WDR41: variants seen among roughly 807,000 people sequenced by gnomAD.
The protein encoded by WDR41 is WD repeat domain 41.
In WDR41, 63 loss-of-function variants were observed where a neutral mutation model predicts 69.3. That is an observed-to-expected ratio of 0.91 (90% CI 0.74 to 1.12). WDR41 has a LOEUF of 1.12. Ranked by LOEUF, WDR41 falls within the 50% of genes most tolerant of loss-of-function variation. The pLI, the probability that WDR41 is intolerant of heterozygous loss-of-function variation, is 0.00. For synonymous variants in WDR41, 185 were observed against 192.1 expected, an observed-to-expected ratio of 0.96 and a Z score of 0.31; for missense variants, 543 against 534.5, an observed-to-expected ratio of 1.02 and a Z score of -0.16.
At chr5:77,447,298 C>T (rs1012152421) in intron 8 of WDR41, among the ~76,000 whole-genome samples, 3 of 152,160 alleles carry the variant, frequency 2.0e-5, no homozygotes, top group Non-Finnish European at 4.4e-5. Flanking sequence ...ATGGGAAGAA[C>T]ATTTTTACAC....
intron 2 of WDR41, among the ~76,000 whole-genome samples, chr5:77,479,030 CAACA>C (rs1486810004): frequency 1.3e-5 from 2 of 150,816 alleles, no homozygotes; most frequent in Non-Finnish European, 3.0e-5. Context: ...TATACACCAA[CAACA>C]AACAGAGAGC....
intron 1 of WDR41, among the ~76,000 whole-genome samples, chr5:77,589,251 G>T (rs2112304730): frequency 6.6e-6 from 1 of 152,200 alleles, no homozygotes; most frequent in East Asian, 1.9e-4. Flanking sequence ...TCTATATCAT[G>T]CCCGTCTTAT....
chr5:77,466,445 T>G (rs1800309034), intron 2 of WDR41, among the ~76,000 whole-genome samples: 1 of 151,896 alleles, frequency 6.6e-6, no homozygotes, highest in Admixed American at 6.6e-5. Context: ...TAAGTGTTCT[T>G]TGGTATAAAA....
At chr5:77,464,274 C>CTTTTTTTTTTTTTTTTTTT (rs71606297) in intron 3 of WDR41, among the ~76,000 whole-genome samples, 7 of 94,204 alleles carry the variant, frequency 7.4e-5, no homozygotes, top group Non-Finnish European at 9.8e-5. Flanking sequence ...TAGGAAAAAA[C>CTTTTTTTTTTTTTTTTTTT]TTTTTTTTTT....
intron 1 of WDR41, among the ~76,000 whole-genome samples, chr5:77,601,816 C>G (rs780837640): frequency 6.6e-6 from 1 of 152,046 alleles, no homozygotes; most frequent in Non-Finnish European, 1.5e-5. Flanking sequence ...TTTTAAAAAC[C>G]TTTTAATTAC....
chr5:77,572,005 G>A (rs187768722), intron 1 of WDR41, among the ~76,000 whole-genome samples: 59 of 152,216 alleles, frequency 3.9e-4, no homozygotes, highest in Admixed American at 2.0e-3. Flanking sequence ...ACCACGGAAG[G>A]CCTAAAAACC....
intron 1 of WDR41, among the ~76,000 whole-genome samples, chr5:77,619,866 A>T (rs1744744736): frequency 6.6e-6 from 1 of 152,154 alleles, no homozygotes; most frequent in South Asian, 2.1e-4. Flanking sequence ...GTGCCTCTGT[A>T]TACTTAGCAG....
chr5:77,487,523 G>T (rs1236034943), intron 2 of WDR41, among the ~76,000 whole-genome samples: 3 of 152,180 alleles, frequency 2.0e-5, no homozygotes, highest in African/African-American at 7.2e-5. Flanking sequence ...ATATATATGA[G>T]ACAAATCTTT....
chr5:77,558,094 T>TA (rs71608105), intron 1 of WDR41, among the ~76,000 whole-genome samples: 2,336 of 103,826 alleles, frequency 0.022, 20 homozygotes, highest in Non-Finnish European at 0.033. Flanking sequence ...ATGTTCTTTT[T>TA]AAAAAAAAAA....
At chr5:77,609,207 G>A (rs569170822) in intron 1 of WDR41, among the ~76,000 whole-genome samples, 1 of 152,364 alleles carries the variant, frequency 6.6e-6, no homozygotes, top group East Asian at 1.9e-4. Context: ...TGCATCTGTA[G>A]GCTCCACCTC....
chr5:77,610,006 G>A (rs1237382683), intron 1 of WDR41, among the ~76,000 whole-genome samples: 1 of 151,916 alleles, frequency 6.6e-6, no homozygotes, highest in African/African-American at 2.4e-5. Context: ...ACTACGTGAA[G>A]AATGCAGAAG....
At chr5:77,554,339 G>A (rs1051225742) in intron 1 of WDR41, among the ~76,000 whole-genome samples, 4 of 152,102 alleles carry the variant, frequency 2.6e-5, no homozygotes, top group Admixed American at 6.5e-5. Context: ...AAATTCTTAC[G>A]TTAAAATCTA....
At chr5:77,603,781 C>A (rs370525877) in intron 1 of WDR41, among the ~76,000 whole-genome samples, 1 of 152,246 alleles carries the variant, frequency 6.6e-6, no homozygotes, top group East Asian at 1.9e-4. Context: ...CAGTTTGATT[C>A]TTCTGCATGT....
intron 2 of WDR41, among the ~76,000 whole-genome samples, chr5:77,466,971 C>T (rs556700334): frequency 6.6e-6 from 1 of 151,826 alleles, no homozygotes; most frequent in South Asian, 2.1e-4. Flanking sequence ...ATTACCCATC[C>T]TATTATGATG....
chr5:77,561,536 G>C (rs1220806515), intron 1 of WDR41, among the ~76,000 whole-genome samples: 1 of 151,914 alleles, frequency 6.6e-6, no homozygotes, highest in Non-Finnish European at 1.5e-5. Flanking sequence ...ATCTTCATTG[G>C]ACAATACAGA....
chr5:77,438,911 T>A (rs1180888560), intron 9 of WDR41, among the ~76,000 whole-genome samples: 3 of 152,178 alleles, frequency 2.0e-5, no homozygotes, highest in African/African-American at 7.2e-5. Flanking sequence ...AATAAATACC[T>A]TTTTACTAAA....
chr5:77,540,738 G>C, intron 1 of WDR41, among the ~76,000 whole-genome samples: 1 of 141,362 alleles, frequency 7.1e-6, no homozygotes, highest in Non-Finnish European at 1.6e-5. Flanking sequence ...AGGGAGGGAG[G>C]GAGGGAGGGA....
At chr5:77,449,623 C>T in intron 8 of WDR41, 137 bp downstream of exon 8, 2 of 631,002 alleles carry the variant, frequency 3.2e-6, no homozygotes, top group Non-Finnish European at 5.4e-6. Context: ...GCTAAAACTT[C>T]AGAGTAAAAG....
At chr5:77,441,603 G>A (rs561992705) in intron 8 of WDR41, among the ~76,000 whole-genome samples, 25 of 152,236 alleles carry the variant, frequency 1.6e-4, no homozygotes, top group African/African-American at 4.8e-4. Flanking sequence ...GCCGGGCATG[G>A]TGGTGTGCAC....
Sources: gnomAD v4.1 joint callset for allele counts (sites outside exome capture counted in the v4.1 genomes callset) on GRCh38, gnomAD v4.1.1 for gene constraint, MANE v1.5 for transcripts, NCBI Gene and HGNC (gene_info 2026-07-23, HGNC 2026-07-21) for gene names.